The following CHRM3 variants were observed in gnomAD, a reference collection of about 807,000 sequenced individuals.
CHRM3 encodes the protein cholinergic receptor muscarinic 3, also known as muscarinic acetylcholine receptor M3.
CHRM3 carries 11 observed loss-of-function variants against 41.8 expected under a neutral mutation model. The observed-to-expected ratio is 0.26, with a 90% CI of 0.17 to 0.44. The LOEUF (loss-of-function observed/expected upper bound fraction) is 0.44. Ranked by LOEUF, CHRM3 falls within the 20% of genes least tolerant of loss-of-function variation. The pLI, the probability that CHRM3 is intolerant of heterozygous loss-of-function variation, is 1.00. For synonymous variants in CHRM3, 297 were observed against 301.4 expected (o/e 0.99, Z 0.15); for missense variants, 571 against 745.4 (o/e 0.77, Z 2.72).
chr1:239,667,665 C>T (rs1444993598), intron 4 of CHRM3, among the ~76,000 whole-genome samples: 2 of 152,186 alleles, frequency 1.3e-5, no homozygotes, highest in East Asian at 3.9e-4. Flanking sequence ...CGTGCTACCT[C>T]CTGTAAGTGC....
chr1:239,711,312 C>T (rs1325672367), intron 5 of CHRM3, among the ~76,000 whole-genome samples: 1 of 151,930 alleles, frequency 6.6e-6, no homozygotes, highest in East Asian at 1.9e-4. Context: ...CTTTGAGTCC[C>T]GGGTGCTCCC....
intron 3 of CHRM3, among the ~76,000 whole-genome samples, chr1:239,630,321 A>G (rs1184524631): frequency 3.3e-5 from 5 of 152,170 alleles, no homozygotes; most frequent in Admixed American, 6.5e-5. Context: ...AAATTAGGCA[A>G]ATGCGTTTGT....
chr1:239,667,956 A>G (rs1673975441), intron 4 of CHRM3, among the ~76,000 whole-genome samples: 1 of 152,116 alleles, frequency 6.6e-6, no homozygotes, highest in Non-Finnish European at 1.5e-5. Context: ...GTTTTGTTTT[A>G]CATTGCTTTT....
intron 1 of CHRM3, among the ~76,000 whole-genome samples, chr1:239,455,128 C>T (rs547580906): frequency 2.3e-4 from 35 of 152,062 alleles, no homozygotes; most frequent in African/African-American, 7.5e-4. Flanking sequence ...CTCGGCTCAG[C>T]GCAGCCTCTG....
At chr1:239,650,704 G>C (rs1486699934) in intron 4 of CHRM3, among the ~76,000 whole-genome samples, 1 of 152,206 alleles carries the variant, frequency 6.6e-6, no homozygotes, top group African/African-American at 2.4e-5. Flanking sequence ...AGTGAGGGAA[G>C]ATTTTGTGTG....
At chr1:239,578,537 A>G (rs1269870835) in intron 3 of CHRM3, among the ~76,000 whole-genome samples, 1 of 152,206 alleles carries the variant, frequency 6.6e-6, no homozygotes, top group Non-Finnish European at 1.5e-5. Context: ...GAGGCACTTT[A>G]TCATGTTTTA....
At chr1:239,603,126 C>CCAGCT (rs1665816504) in intron 3 of CHRM3, among the ~76,000 whole-genome samples, 1 of 152,084 alleles carries the variant, frequency 6.6e-6, no homozygotes, top group South Asian at 2.1e-4. Flanking sequence ...ATTTTAGTGA[C>CCAGCT]CAGCTCATTT....
At chr1:239,806,310 C>T (rs543310087) in intron 5 of CHRM3, among the ~76,000 whole-genome samples, 2 of 152,134 alleles carry the variant, frequency 1.3e-5, no homozygotes, top group Non-Finnish European at 2.9e-5. Flanking sequence ...AGCAGACCTG[C>T]AGTATCCAAT....
chr1:239,413,012 A>C (rs1237407991), intron 1 of CHRM3, among the ~76,000 whole-genome samples: 3 of 151,492 alleles, frequency 2.0e-5, no homozygotes, highest in Non-Finnish European at 2.9e-5. Flanking sequence ...CGGGAGGTGG[A>C]GGTTACAGTG....
intron 5 of CHRM3, among the ~76,000 whole-genome samples, chr1:239,818,655 A>G (rs970794795): frequency 3.2e-4 from 48 of 152,172 alleles, no homozygotes; most frequent in African/African-American, 1.1e-3. Flanking sequence ...CAAATTTATG[A>G]CAAGCTTAAT....
chr1:239,671,402 C>G (rs1194579185), intron 4 of CHRM3, among the ~76,000 whole-genome samples: 1 of 152,086 alleles, frequency 6.6e-6, no homozygotes, highest in African/African-American at 2.4e-5. Flanking sequence ...AGAGGAAGAC[C>G]CCATCTCTAC....
chr1:239,671,842 G>T (rs1674402000), intron 4 of CHRM3, among the ~76,000 whole-genome samples: 1 of 152,034 alleles, frequency 6.6e-6, no homozygotes, highest in South Asian at 2.1e-4. Flanking sequence ...GTATGGAAGA[G>T]AATTCTTCAA....
intron 2 of CHRM3, among the ~76,000 whole-genome samples, chr1:239,508,643 C>A (rs531555273): frequency 1.3e-5 from 2 of 152,138 alleles, no homozygotes; most frequent in African/African-American, 4.8e-5. Context: ...CCAGTGAGTA[C>A]GTTCTTACGA....
chr1:239,568,838 A>G (rs1661591058), intron 3 of CHRM3, among the ~76,000 whole-genome samples: 1 of 152,106 alleles, frequency 6.6e-6, no homozygotes, highest in Admixed American at 6.6e-5. Flanking sequence ...CAAGGTCTCT[A>G]CTCACTGAGA....
At chr1:239,633,250 C>A (rs1000413611) in intron 4 of CHRM3, among the ~76,000 whole-genome samples, 2 of 152,166 alleles carry the variant, frequency 1.3e-5, no homozygotes, top group Non-Finnish European at 2.9e-5. Flanking sequence ...GGATTACAGG[C>A]GTGAGCCACC....
intron 1 of CHRM3, among the ~76,000 whole-genome samples, chr1:239,392,416 C>T (rs183795604): frequency 1.2e-3 from 179 of 152,320 alleles, no homozygotes; most frequent in Non-Finnish European, 2.0e-3. Context: ...TCCTAGCCTG[C>T]TTCCTGTCCC....
At chr1:239,453,143 T>G (rs570771600) in intron 1 of CHRM3, among the ~76,000 whole-genome samples, 152 of 152,310 alleles carry the variant, frequency 1.0e-3, no homozygotes, top group African/African-American at 3.6e-3. Context: ...CACGAGAGAC[T>G]AGGAGAGACT....
In CHRM3 at chr1:239,424,665, A is replaced by C. The variant is rs551845443; in HGVS notation, c.-521+37438A>C. Among the ~76,000 whole-genome samples the C allele has an allele frequency of 2.6e-5, 4 of 152,326 alleles. No homozygotes were observed. The East Asian group carries it at 7.7e-4, about 29-fold the overall frequency. The stretch of plus-strand genomic sequence containing the variant: ...CTGAGACAGTCTGACTTGGTCACAG[A>C]AGACAGAATATATGTGAAATTAGTG... On this transcript the variant is annotated intron_variant, in intron 1 of 6. Transcript: ENST00000676153.
intron 6 of CHRM3, among the ~76,000 whole-genome samples, chr1:239,833,721 C>A (rs1204352173): frequency 6.6e-6 from 1 of 152,158 alleles, no homozygotes; most frequent in African/African-American, 2.4e-5. Flanking sequence ...CTGGTGGAGT[C>A]TGAAGGCTCT....
Sources: allele counts gnomAD v4.1 joint callset (sites outside exome capture counted in the v4.1 genomes callset), GRCh38; gene constraint gnomAD v4.1.1; transcripts MANE v1.5; gene names NCBI Gene and HGNC (gene_info 2026-07-23, HGNC 2026-07-21).